SYNGR1: variants seen among roughly 807,000 people sequenced by gnomAD.
SYNGR1 encodes the protein synaptogyrin 1.
Under a neutral mutation model 26.1 loss-of-function variants are expected in SYNGR1, and 14 were observed. The ratio of observed to expected loss-of-function variants is 0.54; its 90% CI spans 0.35 to 0.84. The LOEUF (loss-of-function observed/expected upper bound fraction) is 0.84, where lower values mean the gene tolerates loss of function less well. Ranked by LOEUF, SYNGR1 falls within the 40% of genes least tolerant of loss-of-function variation. SYNGR1 has a pLI of 0.01. For synonymous variants in SYNGR1, 141 were observed against 150.1 expected, an observed-to-expected ratio of 0.94 and a Z score of 0.44; for missense variants, 319 against 332.9, an observed-to-expected ratio of 0.96 and a Z score of 0.33.
chr22:39,374,663 G>A, intron 2 of SYNGR1, 110 bp downstream of exon 2: 1 of 1,196,622 alleles, frequency 8.4e-7, no homozygotes, highest in Non-Finnish European at 1.2e-6. Context: ...GAAATGAGGT[G>A]CAGGCGGGTG....
In SYNGR1 at chr22:39,377,389, G is replaced by T. The variant is rs979912284; in HGVS notation, c.483+1192G>T. The T allele has an allele frequency of 7.1e-6, 7 of 985,322 alleles. No homozygotes were observed. In the African/African-American group the frequency reaches 1.2e-4, roughly 17 times the overall value. The allele number at this position is 985,322 out of a possible 1,614,324, so 61.0% of individuals were successfully genotyped here. A position where few individuals can be genotyped will look rare whatever the true frequency, so the allele number is the denominator to read the frequency against. ...AACCAGGTGACCCCAGGGGATCTCA[G>T]TCCAGAGAAGGTGCCCCAGAAGTGG... On this transcript the variant is annotated intron_variant, in intron 3 of 3. Transcript: ENST00000328933.
intron 2 of SYNGR1, chr22:39,375,534 G>A (rs936948148): frequency 3.2e-5 from 8 of 248,122 alleles, no homozygotes; most frequent in Non-Finnish European, 3.9e-5. Context: ...GTTAGAAGTC[G>A]AAGCCCAGAC....
chr22:39,375,970 C>T, intron 2 of SYNGR1, 82 bp from the exon 3 acceptor site: 1 of 1,585,328 alleles, frequency 6.3e-7, no homozygotes, highest in Non-Finnish European at 8.7e-7. Flanking sequence ...CCCTCTGTTC[C>T]TCGGCTTCCC....
chr22:39,356,555 C>T (rs966091825), intron 1 of SYNGR1, among the ~76,000 whole-genome samples: 1 of 151,858 alleles, frequency 6.6e-6, no homozygotes, highest in African/African-American at 2.4e-5. Flanking sequence ...GGCCTGAGCC[C>T]CAGGGAGAAA....
At chr22:39,359,317 C>G (rs866007043) in intron 1 of SYNGR1, among the ~76,000 whole-genome samples, 1 of 152,026 alleles carries the variant, frequency 6.6e-6, no homozygotes, top group Non-Finnish European at 1.5e-5. Flanking sequence ...CCACTTTGCC[C>G]GTTCTTCAAA....
At position 39,383,524 on chromosome 22, in the gene SYNGR1, AT is replaced by A. The variant is rs1458460139; in HGVS notation, c.*1611del. 6.6e-6 allele frequency: 1 copy of A among 152,378 alleles called. No homozygotes were observed. Among genetic ancestry groups the A allele is most frequent in the Non-Finnish European group, 1.5e-5 (1 of 68,102 alleles). The allele number at this position is 152,378 out of a possible 1,614,324, so 9.4% of individuals were successfully genotyped here. A position where few individuals can be genotyped will look rare whatever the true frequency, so the allele number is the denominator to read the frequency against. On this transcript the variant is annotated 3_prime_UTR_variant, in exon 4 of 4. Transcript: ENST00000328933. ...AGGTATGGGAGAGCGCTGGGGGCCC[AT>A]CCCCCTGTCCACCCAGTGTCCACTG... is the stretch of plus-strand genomic sequence containing the variant.
intron 1 of SYNGR1, among the ~76,000 whole-genome samples, chr22:39,366,882 G>T (rs1924784814): frequency 6.6e-6 from 1 of 152,064 alleles, no homozygotes; most frequent in Admixed American, 6.6e-5. Flanking sequence ...ACTCACCCTG[G>T]CCCTCAAGGC....
At chr22:39,367,544 C>T (rs1445552447) in intron 1 of SYNGR1, among the ~76,000 whole-genome samples, 2 of 152,148 alleles carry the variant, frequency 1.3e-5, no homozygotes, top group Admixed American at 6.5e-5. Flanking sequence ...GGTTGTAGAC[C>T]GCGCGAGGTG....
intron 1 of SYNGR1, among the ~76,000 whole-genome samples, chr22:39,366,379 C>T (rs1225427546): frequency 1.3e-5 from 2 of 152,182 alleles, no homozygotes; most frequent in East Asian, 3.9e-4. Flanking sequence ...GGCATAGTGG[C>T]TCACGCTTGT....
At chr22:39,357,696 GCCGGCCAGCC>G (rs1924223250) in intron 1 of SYNGR1, among the ~76,000 whole-genome samples, 1 of 35,308 alleles carries the variant, frequency 2.8e-5, no homozygotes, top group African/African-American at 4.9e-5. Context: ...CCTCGGAGCA[GCCGGCCAGCC>G]CTGCTGGCCC....
chr22:39,381,570 G>C (rs1749384184), intron 3 of SYNGR1, 126 bp from the exon 4 acceptor site: 2 of 948,114 alleles, frequency 2.1e-6, no homozygotes, highest in Non-Finnish European at 3.3e-6. Context: ...TTGGTGCTTT[G>C]AGGATCTTTA....
chr22:39,362,453 C>G (rs1474264219), intron 1 of SYNGR1, among the ~76,000 whole-genome samples: 1 of 152,196 alleles, frequency 6.6e-6, no homozygotes, highest in East Asian at 1.9e-4. Flanking sequence ...ACCTGCCCCA[C>G]CCCCACCTTT....
intron 3 of SYNGR1, among the ~76,000 whole-genome samples, chr22:39,379,394 G>T (rs1925421494): frequency 1.3e-5 from 2 of 152,248 alleles, no homozygotes; most frequent in Admixed American, 6.5e-5. Context: ...AGCACTTTGG[G>T]AGGCCAAGGC....
Position 39,373,412 on chromosome 22 carries a change from C to T in SYNGR1, c.100-904C>T, listed in dbSNP as rs889905251. On this transcript the variant is annotated intron_variant, in intron 1 of 3. Coordinates refer to ENST00000328933, the MANE Select transcript of SYNGR1 (RefSeq NM_004711.5). The stretch of plus-strand genomic sequence containing the variant: ...CAAACTCCTGACCTCGTGATCCACC[C>T]GCCTCTGCCTCCCAAAGTGCTGGGA... Among the ~76,000 whole-genome samples, 10 of 152,168 alleles carry T rather than the reference C, an allele frequency of 6.6e-5. No individual in the cohort carries two copies. The East Asian group carries it at 1.2e-3, about 18-fold the overall frequency.
chr22:39,353,573 C>T (rs1433612880), intron 1 of SYNGR1, among the ~76,000 whole-genome samples: 1 of 152,262 alleles, frequency 6.6e-6, no homozygotes, highest in Non-Finnish European at 1.5e-5. Context: ...CCCCAGGCCA[C>T]AGCTGTGACC....
chr22:39,360,300 G>A (rs375923522), intron 1 of SYNGR1, among the ~76,000 whole-genome samples: 25 of 152,260 alleles, frequency 1.6e-4, no homozygotes, highest in Admixed American at 4.6e-4. Flanking sequence ...GCAAATGTGC[G>A]TGATTCCCCA....
chr22:39,368,679 G>C (rs145634956), intron 1 of SYNGR1, among the ~76,000 whole-genome samples: 33 of 152,224 alleles, frequency 2.2e-4, no homozygotes, highest in African/African-American at 7.5e-4. Flanking sequence ...TGTCCCCAGG[G>C]CCCAGGCTTC....
intron 3 of SYNGR1, chr22:39,377,781 C>T: frequency 6.5e-7 from 1 of 1,550,016 alleles, no homozygotes; most frequent in South Asian, 1.2e-5. Context: ...TCCAAGATGC[C>T]AGGGCATGCA....
rs138275729 is a variant in SYNGR1, at chr22:39,366,151, G to T, written c.100-8165G>T. The stretch of plus-strand genomic sequence containing the variant: ...GGCTAATTTTTGTATTTTTAGTAGA[G>T]ATGGGGTTTCACCATGTTGCCTAGG... On this transcript the variant is annotated intron_variant, in intron 1 of 3. Coordinates refer to ENST00000328933, the MANE Select transcript of SYNGR1 (RefSeq NM_004711.5). Among the ~76,000 whole-genome samples, 1,041 of 151,318 alleles carry T rather than the reference G, an allele frequency of 6.9e-3. 19 individuals carry two copies. Among genetic ancestry groups the T allele is most frequent in the African/African-American group, 0.024 (1,002 of 41,318 alleles).
Sources: allele counts gnomAD v4.1 joint callset (sites outside exome capture counted in the v4.1 genomes callset), GRCh38; gene constraint gnomAD v4.1.1; transcripts MANE v1.5; gene names NCBI Gene and HGNC (gene_info 2026-07-23, HGNC 2026-07-21).